The following GRID2 variants were observed in gnomAD, a reference collection of about 807,000 sequenced individuals.
The protein encoded by GRID2 is glutamate ionotropic receptor delta type subunit 2, also known as glutamate receptor ionotropic, delta-2.
A neutral mutation model predicts 114.8 loss-of-function variants in GRID2; 33 were observed. The observed-to-expected ratio is 0.29, with a 90% CI of 0.22 to 0.38. The LOEUF is 0.38. Among genes scored for constraint, GRID2 ranks in the 10% least tolerant of loss-of-function variants. The probability of loss-of-function intolerance (pLI) is 1.00; values close to 1 mark genes in which losing one functional copy is unlikely to be tolerated. For missense variants in GRID2, 1,184 were observed against 1,257.7 expected (o/e 0.94, Z 0.89); for synonymous variants, 505 against 449.9 (o/e 1.12, Z -1.55).
chr4:92,569,201 G>T (rs746732445), intron 1 of GRID2, among the ~76,000 whole-genome samples: 1 of 151,514 alleles, frequency 6.6e-6, no homozygotes. Flanking sequence ...TCACTCCCAC[G>T]TATAAGTGAG....
chr4:92,349,147 G>A (rs545358029), intron 1 of GRID2, among the ~76,000 whole-genome samples: 1 of 152,004 alleles, frequency 6.6e-6, no homozygotes, highest in East Asian at 1.9e-4. Flanking sequence ...TACACACCAA[G>A]CTTTAATCTG....
intron 2 of GRID2, among the ~76,000 whole-genome samples, chr4:93,001,561 CAAAATT>C (rs777408992): frequency 6.6e-6 from 1 of 151,550 alleles, no homozygotes; most frequent in Non-Finnish European, 1.5e-5. Context: ...TGCATAAAAG[CAAAATT>C]AAAATTTTCC....
chr4:92,621,368 G>C (rs984607243), intron 2 of GRID2, among the ~76,000 whole-genome samples: 1 of 151,782 alleles, frequency 6.6e-6, no homozygotes, highest in African/African-American at 2.4e-5. Flanking sequence ...GAAACTCATT[G>C]GCAACTATTT....
At chr4:93,695,434 G>T (rs1407575374) in intron 14 of GRID2, among the ~76,000 whole-genome samples, 1 of 152,178 alleles carries the variant, frequency 6.6e-6, no homozygotes, top group African/African-American at 2.4e-5. Context: ...CTATTTGTCA[G>T]TGCACGTTTC....
At chr4:92,377,250 C>G (rs191362868) in intron 1 of GRID2, among the ~76,000 whole-genome samples, 9 of 152,272 alleles carry the variant, frequency 5.9e-5, no homozygotes, top group Admixed American at 5.2e-4. Context: ...TCATCTCTCT[C>G]AAGTTCAAAG....
chr4:93,771,413 G>A (rs1028791176), intron 15 of GRID2, among the ~76,000 whole-genome samples: 2 of 152,140 alleles, frequency 1.3e-5, no homozygotes, highest in African/African-American at 2.4e-5. Context: ...ACTTGAAGGG[G>A]TCCCTAAATA....
chr4:93,336,002 A>G (rs978145804), intron 8 of GRID2, among the ~76,000 whole-genome samples: 2 of 152,162 alleles, frequency 1.3e-5, no homozygotes, highest in African/African-American at 4.8e-5. Flanking sequence ...TTCTTATCAA[A>G]GTAATTTTTT....
intron 4 of GRID2, among the ~76,000 whole-genome samples, chr4:93,202,080 T>A (rs1455148483): frequency 6.6e-6 from 1 of 152,182 alleles, no homozygotes; most frequent in Non-Finnish European, 1.5e-5. Flanking sequence ...TGCACATGTA[T>A]AATGACAAAA....
intron 2 of GRID2, among the ~76,000 whole-genome samples, chr4:92,870,700 A>G (rs1223101296): frequency 6.6e-6 from 1 of 152,172 alleles, no homozygotes. Context: ...AAGTTGTTCA[A>G]TGCTTGGAAA....
chr4:93,111,853 A>G (rs1040800622), intron 4 of GRID2: 1 of 148,350 alleles, frequency 6.7e-6, no homozygotes, highest in African/African-American at 2.5e-5. Context: ...GTTCTTTGAC[A>G]CTCACAATAT....
chr4:92,842,554 A>G (rs1742986210), intron 2 of GRID2, among the ~76,000 whole-genome samples: 1 of 152,284 alleles, frequency 6.6e-6, no homozygotes, highest in East Asian at 1.9e-4. Context: ...TAATTCGTTC[A>G]CAACAACCAC....
chr4:93,446,452 G>A lies in GRID2; in HGVS notation c.1546-9210G>A, dbSNP rs140450663. Among the ~76,000 whole-genome samples, 361 of 152,140 alleles carry A rather than the reference G, an allele frequency of 2.4e-3. 3 individuals carry two copies. The highest frequency in any genetic ancestry group is 7.6e-3 in the African/African-American group (315 of 41,544). ...TTGTGGCTATCTTATGTAATCTGCC[G>A]TGCTGATCAGTTAGACTAATAAACC... On this transcript the variant is annotated intron_variant, in intron 10 of 15. Coordinates refer to ENST00000282020, the MANE Select transcript of GRID2 (RefSeq NM_001510.4).
At position 93,190,441 on chromosome 4, in the gene GRID2, A is replaced by G. The variant is rs531299824; in HGVS notation, c.736-16963A>G. Among the ~76,000 whole-genome samples, 4 of 152,302 alleles carry G rather than the reference A, an allele frequency of 2.6e-5. No individual in the cohort carries two copies. The South Asian group carries it at 8.3e-4, about 32-fold the overall frequency. On this transcript the variant is annotated intron_variant, in intron 4 of 15. Transcript: ENST00000282020. ...CATTCAGAAATTTGGCAGATTGGAT[A>G]ACCCTTGACATTTTGGTGAACCACC...
chr4:92,978,494 GT>G (rs1447664510), intron 2 of GRID2, among the ~76,000 whole-genome samples: 1 of 151,948 alleles, frequency 6.6e-6, no homozygotes, highest in Non-Finnish European at 1.5e-5. Flanking sequence ...TGCTGCTGTT[GT>G]TTTTATTCCT....
chr4:92,610,115 T>C (rs938539601), intron 2 of GRID2, among the ~76,000 whole-genome samples: 3 of 151,638 alleles, frequency 2.0e-5, no homozygotes, highest in Admixed American at 6.6e-5. Context: ...GCCAATGGAA[T>C]GTGAACAGAG....
intron 2 of GRID2, among the ~76,000 whole-genome samples, chr4:92,921,519 G>A (rs960785999): frequency 1.3e-5 from 2 of 152,094 alleles, no homozygotes; most frequent in Non-Finnish European, 2.9e-5. Flanking sequence ...ATACAGATGG[G>A]ATTTTGGTGT....
chr4:93,540,644 G>T (rs1732570928), intron 13 of GRID2, among the ~76,000 whole-genome samples: 1 of 152,120 alleles, frequency 6.6e-6, no homozygotes, highest in South Asian at 2.1e-4. Context: ...TCTTAATTTT[G>T]CATTCCAGAG....
rs138941311 is a variant in GRID2, at chr4:92,679,604, G to A, written c.244+89318G>A. On this transcript the variant is annotated intron_variant, in intron 2 of 15. Coordinates refer to ENST00000282020, the MANE Select transcript of GRID2 (RefSeq NM_001510.4). ...AAAAGCATATTGTTAAGGAAGTAAG[G>A]TATCTTCATTAATATACATCTTTCA... Among the ~76,000 whole-genome samples, 154 of 152,006 alleles carry A rather than the reference G, an allele frequency of 1.0e-3. 2 individuals carry two copies. Among genetic ancestry groups the A allele is most frequent in the African/African-American group, 3.5e-3 (144 of 41,472 alleles).
chr4:92,898,247 G>A (rs890046882), intron 2 of GRID2, among the ~76,000 whole-genome samples: 13 of 152,094 alleles, frequency 8.5e-5, no homozygotes, highest in African/African-American at 3.1e-4. Context: ...CCAGCAAAAT[G>A]AGAACATAAA....
Sources: allele counts gnomAD v4.1 joint callset (sites outside exome capture counted in the v4.1 genomes callset), GRCh38; gene constraint gnomAD v4.1.1; transcripts MANE v1.5; gene names NCBI Gene and HGNC (gene_info 2026-07-23, HGNC 2026-07-21).